Variants in ADAMTS2 observed in about 807,000 individuals in gnomAD.
ADAMTS2 encodes the protein ADAM metallopeptidase with thrombospondin type 1 motif 2, also known as A disintegrin and metalloproteinase with thrombospondin motifs 2.
In ADAMTS2, 50 loss-of-function variants were observed where a neutral mutation model predicts 123.0. That is an observed-to-expected ratio of 0.41 (90% CI 0.32 to 0.51). The LOEUF (loss-of-function observed/expected upper bound fraction) is 0.51. Ranked by LOEUF, ADAMTS2 falls within the 20% of genes least tolerant of loss-of-function variation. ADAMTS2 has a pLI of 0.35. For synonymous variants in ADAMTS2, 678 were observed against 695.4 expected, an observed-to-expected ratio of 0.98 and a Z score of 0.39; for missense variants, 1,494 against 1,705.2, an observed-to-expected ratio of 0.88 and a Z score of 2.18.
chr5:179,278,707 A>G (rs1766810853), intron 2 of ADAMTS2, among the ~76,000 whole-genome samples: 1 of 151,962 alleles, frequency 6.6e-6, no homozygotes, highest in Non-Finnish European at 1.5e-5. Flanking sequence ...CCTGGGGGAC[A>G]GAGAGAGGAT....
rs552155261 is a variant in ADAMTS2 at position 179,339,577 on chromosome 5, C to T, written c.534+4190G>A. On this transcript the variant is annotated intron_variant, in intron 2 of 21. Transcript: ENST00000251582. ...CAAGTATGGCGGAGGCTGAGACTGG[C>T]CTTAGCAGCTGTGTAGGCTGCTTGC... Among the ~76,000 whole-genome samples the T allele has an allele frequency of 2.0e-5, 3 of 152,342 alleles. 1 individual carries two copies. In the South Asian group the frequency reaches 6.2e-4, roughly 32 times the overall value.
intron 3 of ADAMTS2, among the ~76,000 whole-genome samples, chr5:179,215,443 C>T (rs758422591): frequency 3.9e-5 from 6 of 152,076 alleles, no homozygotes; most frequent in African/African-American, 4.8e-5. Context: ...AGTGAAACTC[C>T]GTCTCAAAAA....
chr5:179,236,050 T>C (rs907681422), intron 3 of ADAMTS2, among the ~76,000 whole-genome samples: 3 of 152,198 alleles, frequency 2.0e-5, no homozygotes, highest in African/African-American at 7.2e-5. Flanking sequence ...TCAAAGCCTC[T>C]TGGCACATCT....
chr5:179,292,095 T>C (rs1041044554), intron 2 of ADAMTS2, among the ~76,000 whole-genome samples: 1 of 151,900 alleles, frequency 6.6e-6, no homozygotes, highest in Admixed American at 6.6e-5. Flanking sequence ...CACATTTTCT[T>C]GCACACTCTG....
At position 179,158,406 on chromosome 5, in the gene ADAMTS2, G is replaced by A. The variant is rs567694458; in HGVS notation, c.1132+317C>T. ...CTCTCTGTCTATAGAGTGAGTGGAG[G>A]TGACAGGCCTCCTTTCTTTCCAAAT... On this transcript the variant is annotated intron_variant, in intron 6 of 21. Coordinates refer to ENST00000251582, the MANE Select transcript of ADAMTS2 (RefSeq NM_014244.5). This position sits in a 1 kb window ranked among gnomAD's most constrained non-coding sequence, Gnocchi z 5.0. 8.1e-4 allele frequency among the ~76,000 whole-genome samples: 124 copies of A among 152,326 alleles called. No individual in the cohort carries two copies. Among genetic ancestry groups the A allele is most frequent in the Admixed American group, 1.5e-3 (23 of 15,302 alleles).
Position 179,129,408 on chromosome 5 carries a change from T to G in ADAMTS2, c.2457+524A>C, listed in dbSNP as rs1762921423. On this transcript the variant is annotated intron_variant, in intron 16 of 21. Transcript: ENST00000251582. This position sits in a 1 kb window ranked among gnomAD's most constrained non-coding sequence, Gnocchi z 4.1. ...TTTTTTGACAAATAAAATATATCCCTATGCAGTTAAATTACATTTTAAAAA... is the reference window on the plus strand; with the variant it reads ...TTTTTTGACAAATAAAATATATCCCGATGCAGTTAAATTACATTTTAAAAA... 1.3e-5 allele frequency among the ~76,000 whole-genome samples: 2 copies of G among 152,196 alleles called. No individual in the cohort carries two copies. The highest frequency in any genetic ancestry group is 1.3e-4 in the Admixed American group (2 of 15,280).
intron 3 of ADAMTS2, among the ~76,000 whole-genome samples, chr5:179,233,016 C>T (rs774647949): frequency 2.6e-5 from 4 of 152,142 alleles, no homozygotes; most frequent in African/African-American, 4.8e-5. Context: ...GGCGGGAAGG[C>T]GTTCACCCTT....
In ADAMTS2 at chr5:179,145,940, C is replaced by T. The variant is rs187789410; in HGVS notation, c.1630-5905G>A. 2.8e-3 allele frequency among the ~76,000 whole-genome samples: 422 copies of T among 152,326 alleles called. 4 individuals are homozygous for T. The highest frequency in any genetic ancestry group is 4.9e-3 in the Non-Finnish European group (331 of 68,024). On this transcript the variant is annotated intron_variant, in intron 10 of 21. Transcript: ENST00000251582. ...AGATCTCGGCTCACCGCAACCTCTGCTTCCCGGGTTCAAGTGATTCTCCTG... is the reference window on the plus strand; with the variant it reads ...AGATCTCGGCTCACCGCAACCTCTGTTTCCCGGGTTCAAGTGATTCTCCTG...
At chr5:179,148,029 A>G (rs550446883) in intron 10 of ADAMTS2, among the ~76,000 whole-genome samples, 8 of 152,230 alleles carry the variant, frequency 5.3e-5, no homozygotes, top group African/African-American at 1.9e-4. Flanking sequence ...TTCATGGTAA[A>G]TCGACTTCTG....
chr5:179,261,032 A>G (rs78794957), intron 3 of ADAMTS2, among the ~76,000 whole-genome samples: 1,804 of 152,256 alleles, frequency 0.012, 37 homozygotes, highest in African/African-American at 0.041. Context: ...AGACTCAGCT[A>G]CAGAAAAACA....
intron 3 of ADAMTS2, among the ~76,000 whole-genome samples, chr5:179,251,008 C>T (rs771731555): frequency 6.6e-5 from 10 of 152,226 alleles, no homozygotes; most frequent in South Asian, 2.1e-4. Flanking sequence ...TGTCCTGCCT[C>T]GGCAAAGGCA....
chr5:179,289,451 T>C (rs1038919003), intron 2 of ADAMTS2, among the ~76,000 whole-genome samples: 2 of 152,102 alleles, frequency 1.3e-5, no homozygotes, highest in African/African-American at 4.8e-5. Context: ...GTAAACCCCA[T>C]CGGCAACAGC....
intron 5 of ADAMTS2, among the ~76,000 whole-genome samples, chr5:179,165,456 C>G (rs139617650): frequency 1.3e-5 from 2 of 152,274 alleles, no homozygotes; most frequent in Non-Finnish European, 1.5e-5. Flanking sequence ...GCTGCCTGCT[C>G]GGCTCTGCAC....
chr5:179,220,440 C>T (rs1765100093), intron 3 of ADAMTS2, among the ~76,000 whole-genome samples: 1 of 152,150 alleles, frequency 6.6e-6, no homozygotes, highest in Non-Finnish European at 1.5e-5. Context: ...CCTGGCATTG[C>T]TCCCCGGAAG....
chr5:179,187,479 A>C (rs1311621160), intron 4 of ADAMTS2, among the ~76,000 whole-genome samples: 3 of 152,228 alleles, frequency 2.0e-5, no homozygotes, highest in Non-Finnish European at 4.4e-5. Flanking sequence ...CATTTGCTGA[A>C]TGAATGGAGT....
intron 9 of ADAMTS2, among the ~76,000 whole-genome samples, chr5:179,153,192 C>T (rs1156418443): frequency 6.6e-6 from 1 of 152,180 alleles, no homozygotes; most frequent in Non-Finnish European, 1.5e-5. Context: ...GCAGGCCTCC[C>T]TTCTTCCTTG....
In ADAMTS2 at chr5:179,262,774, C is replaced by T. The variant is rs1030959242; in HGVS notation, c.688+10137G>A. On this transcript the variant is annotated intron_variant, in intron 3 of 21. Transcript: ENST00000251582. The surrounding 1 kb of genome is among the most constrained non-coding windows in gnomAD (Gnocchi z 5.9). ...CCACTGTCTGCGAGCATCTGCTCACCAGGTCTCCCCTGCGGGGCTGTGAGC... is the reference window on the plus strand; with the variant it reads ...CCACTGTCTGCGAGCATCTGCTCACTAGGTCTCCCCTGCGGGGCTGTGAGC... Among the ~76,000 whole-genome samples, 3 of 152,252 alleles carry T rather than the reference C, an allele frequency of 2.0e-5. No homozygotes were observed. The highest frequency in any genetic ancestry group is 7.2e-5 in the African/African-American group (3 of 41,460).
rs186140277 is a variant in ADAMTS2 at position 179,195,334 on chromosome 5, C to T, written c.891+12179G>A. On this transcript the variant is annotated intron_variant, in intron 4 of 21. Coordinates refer to ENST00000251582, the MANE Select transcript of ADAMTS2 (RefSeq NM_014244.5). ...GGAGTTGGCACTGACCAGCACAGGG[C>T]GCAGCAGGACAGGCAGTCGCCTCCT... Among the ~76,000 whole-genome samples, 1,367 of 152,294 alleles carry T rather than the reference C, an allele frequency of 9.0e-3. 14 individuals are homozygous for T. Among genetic ancestry groups the T allele is most frequent in the Non-Finnish European group, 0.013 (864 of 68,030 alleles).
chr5:179,169,244 T>C (rs1763768517), intron 5 of ADAMTS2, among the ~76,000 whole-genome samples: 1 of 152,160 alleles, frequency 6.6e-6, no homozygotes, highest in Admixed American at 6.5e-5. Flanking sequence ...CACCCTTCCA[T>C]CATGCGAGGG....
Sources: gnomAD v4.1 joint callset for allele counts (sites outside exome capture counted in the v4.1 genomes callset) on GRCh38, gnomAD v4.1.1 for gene constraint, Gnocchi (gnomAD v3.1) non-coding constraint, MANE v1.5 for transcripts, NCBI Gene and HGNC (gene_info 2026-07-23, HGNC 2026-07-21) for gene names.